Variants in CCDC102B observed in about 807,000 individuals in gnomAD.
The protein encoded by CCDC102B is coiled-coil domain containing 102B, also known as coiled-coil domain-containing protein 102B.
A neutral mutation model predicts 57.4 loss-of-function variants in CCDC102B; 75 were observed. The observed-to-expected ratio is 1.31, with a 90% CI of 1.08 to 1.58. The LOEUF (loss-of-function observed/expected upper bound fraction) is 1.58, where lower values mean the gene tolerates loss of function less well. Ranked by LOEUF, CCDC102B falls within the 40% of genes most tolerant of loss-of-function variation. The probability of loss-of-function intolerance (pLI) is 0.00; values close to 1 mark genes in which losing one functional copy is unlikely to be tolerated. For synonymous variants in CCDC102B, 206 were observed against 201.9 expected (o/e 1.02, Z -0.17); for missense variants, 636 against 582.6 (o/e 1.09, Z -0.94).
At chr18:68,889,337 G>A (rs921225606) in intron 5 of CCDC102B, among the ~76,000 whole-genome samples, 1 of 152,184 alleles carries the variant, frequency 6.6e-6, no homozygotes, top group African/African-American at 2.4e-5. Flanking sequence ...TCAGAAATTA[G>A]ACCTCTACTT....
intron 2 of CCDC102B, among the ~76,000 whole-genome samples, chr18:68,727,905 T>G (rs1378124926): frequency 6.6e-6 from 1 of 152,214 alleles, no homozygotes; most frequent in African/African-American, 2.4e-5. Flanking sequence ...GACTTTCAAT[T>G]TGGTCTAGCA....
upstream of CCDC102B, among the ~76,000 whole-genome samples, chr18:68,796,357 T>A (rs73456171): frequency 0.024 from 3,720 of 152,208 alleles, 145 homozygotes; most frequent in African/African-American, 0.084. Flanking sequence ...TGGGTTGACA[T>A]TTACATAGAT....
At chr18:68,734,403 A>G (rs1668091226) in intron 2 of CCDC102B, among the ~76,000 whole-genome samples, 1 of 152,250 alleles carries the variant, frequency 6.6e-6, no homozygotes, top group South Asian at 2.1e-4. Context: ...TGTAAAATCC[A>G]GACTGTATTT....
chr18:68,876,642 GAATATATTAGA>G (rs1431014322), intron 5 of CCDC102B, among the ~76,000 whole-genome samples: 1 of 152,040 alleles, frequency 6.6e-6, no homozygotes, highest in Non-Finnish European at 1.5e-5. Context: ...AGAATATGAT[GAATATATTAGA>G]AATGGTTACA....
At chr18:68,866,291 A>G (rs1408688851) in intron 4 of CCDC102B, among the ~76,000 whole-genome samples, 1 of 152,230 alleles carries the variant, frequency 6.6e-6, no homozygotes, top group Non-Finnish European at 1.5e-5. Context: ...CATATTACAG[A>G]GTAAAAACTT....
intron 6 of CCDC102B, chr18:68,908,123 G>A (rs981981633): frequency 1.5e-4 from 23 of 151,984 alleles, no homozygotes; most frequent in African/African-American, 5.3e-4. Context: ...TTTCATTCTA[G>A]AATAAACCCC....
At chr18:68,899,436 T>C (rs896678872) in intron 6 of CCDC102B, among the ~76,000 whole-genome samples, 12 of 152,026 alleles carry the variant, frequency 7.9e-5, no homozygotes, top group Non-Finnish European at 1.8e-4. Context: ...TATATATATA[T>C]ATATATACAC....
At chr18:68,920,570 G>A (rs2145106261) in intron 6 of CCDC102B, among the ~76,000 whole-genome samples, 1 of 152,044 alleles carries the variant, frequency 6.6e-6, no homozygotes. Flanking sequence ...AGAGGTGAAA[G>A]GCACTTCTCA....
Position 68,920,374 on chromosome 18 carries a change from A to G in CCDC102B, c.1263+22946A>G, listed in dbSNP as rs150386790. On this transcript the variant is annotated intron_variant, in intron 6 of 7. Transcript: ENST00000360242. ...ATCTCAGAAATAAGGTCACACACCT[A>G]TGGCCATCTGATGTTTGGCAAACCT... is the stretch of plus-strand genomic sequence containing the variant. Among the ~76,000 whole-genome samples the G allele has an allele frequency of 1.3e-4, 20 of 152,324 alleles. No individual in the cohort carries two copies. The East Asian group carries it at 1.9e-3, about 15-fold the overall frequency.
intron 6 of CCDC102B, among the ~76,000 whole-genome samples, chr18:68,962,820 G>A (rs193051096): frequency 6.5e-4 from 99 of 151,852 alleles, no homozygotes; most frequent in Non-Finnish European, 1.1e-3. Context: ...GAAGTCTTCC[G>A]GCTTACTTCC....
At chr18:68,746,697 G>A (rs971144843) in intron 2 of CCDC102B, among the ~76,000 whole-genome samples, 13 of 150,768 alleles carry the variant, frequency 8.6e-5, no homozygotes, top group African/African-American at 2.9e-4. Context: ...CTTTCTTTTC[G>A]TCCCACGGAT....
chr18:68,780,080 A>C lies in CCDC102B; in HGVS notation c.-66-43286A>C, dbSNP rs1418640850. 2.0e-5 allele frequency among the ~76,000 whole-genome samples: 3 copies of C among 152,140 alleles called. 1 individual carries two copies. The highest frequency in any genetic ancestry group is 4.4e-5 in the Non-Finnish European group (3 of 67,986). On this transcript the variant is annotated intron_variant, in intron 2 of 3. Transcript: ENST00000578970. ...CTACTTTCTATCCTTATTTATTTGCAGATTCTGCACATTCTATATAAATGA... is the reference window on the plus strand; with the variant it reads ...CTACTTTCTATCCTTATTTATTTGCCGATTCTGCACATTCTATATAAATGA...
chr18:68,878,466 C>A (rs2039539419), intron 5 of CCDC102B, among the ~76,000 whole-genome samples: 1 of 152,098 alleles, frequency 6.6e-6, no homozygotes, highest in African/African-American at 2.4e-5. Flanking sequence ...TGTGTGTGTT[C>A]CCCAAATTTA....
intron 2 of CCDC102B, among the ~76,000 whole-genome samples, chr18:68,770,896 C>T (rs1330853418): frequency 6.6e-6 from 1 of 152,218 alleles, no homozygotes; most frequent in Non-Finnish European, 1.5e-5. Context: ...GCTCAGAGTA[C>T]TCAGCATGGT....
At chr18:68,743,663 C>A (rs1285649325) in intron 2 of CCDC102B, among the ~76,000 whole-genome samples, 1 of 152,116 alleles carries the variant, frequency 6.6e-6, no homozygotes, top group Non-Finnish European at 1.5e-5. Context: ...GGAGTCTTGT[C>A]CTTTCAGATA....
intron 7 of CCDC102B, chr18:69,011,362 A>ATGTG (rs72492630): frequency 1.1e-5 from 4 of 349,152 alleles, no homozygotes; most frequent in African/African-American, 6.3e-5. Flanking sequence ...GCACGTGCGC[A>ATGTG]TGTGTGTGTG....
At chr18:68,764,311 CACAG>C (rs2034355194) in intron 2 of CCDC102B, among the ~76,000 whole-genome samples, 1 of 152,168 alleles carries the variant, frequency 6.6e-6, no homozygotes, top group Non-Finnish European at 1.5e-5. Flanking sequence ...CATGGCGACT[CACAG>C]TTCTTTGAAT....
At chr18:68,999,153 C>A (rs183343076) in intron 6 of CCDC102B, among the ~76,000 whole-genome samples, 7 of 151,114 alleles carry the variant, frequency 4.6e-5, no homozygotes, top group Non-Finnish European at 8.8e-5. Flanking sequence ...TGTGAAGGAG[C>A]AATCATGGAA....
rs9944679 is a variant in CCDC102B, at chr18:68,822,565, G to A, written c.-15-14184G>A. Reference sequence around the variant, plus strand: ...TTAGATACATAAGGTACCTGTGCAGGTTTGTTACATGGGTATGTTGCACCC... The same window carrying A: ...TTAGATACATAAGGTACCTGTGCAGATTTGTTACATGGGTATGTTGCACCC... On this transcript the variant is annotated intron_variant, in intron 1 of 7. Transcript: ENST00000360242. Among the ~76,000 whole-genome samples the A allele has an allele frequency of 4.8e-3, 727 of 152,006 alleles. 10 individuals carry two copies. Among genetic ancestry groups the A allele is most frequent in the African/African-American group, 0.017 (693 of 41,488 alleles).
Sources: allele counts gnomAD v4.1 joint callset (sites outside exome capture counted in the v4.1 genomes callset), GRCh38; gene constraint gnomAD v4.1.1; transcripts MANE v1.5; gene names NCBI Gene and HGNC (gene_info 2026-07-23, HGNC 2026-07-21).